The following CNTNAP2 variants were observed in gnomAD, a reference collection of about 807,000 sequenced individuals.
CNTNAP2 encodes the protein contactin-associated protein-like 2.
CNTNAP2 carries 98 observed loss-of-function variants against 155.2 expected under a neutral mutation model. That is an observed-to-expected ratio of 0.63 (90% CI 0.54 to 0.75). The LOEUF (loss-of-function observed/expected upper bound fraction) is 0.75. Ranked by LOEUF, CNTNAP2 falls within the 30% of genes least tolerant of loss-of-function variation. The pLI is 0.00. For synonymous variants in CNTNAP2, 651 were observed against 631.2 expected, an observed-to-expected ratio of 1.03 and a Z score of -0.47; for missense variants, 1,727 against 1,688.1, an observed-to-expected ratio of 1.02 and a Z score of -0.40.
intron 1 of CNTNAP2, among the ~76,000 whole-genome samples, chr7:146,166,820 G>A (rs1177261977): frequency 6.6e-6 from 1 of 152,198 alleles, no homozygotes; most frequent in Admixed American, 6.5e-5. Context: ...AGGTTTAGAA[G>A]ATAGCGGGAA....
chr7:147,319,501 C>G (rs768807522), intron 9 of CNTNAP2, among the ~76,000 whole-genome samples: 23 of 152,148 alleles, frequency 1.5e-4, no homozygotes, highest in Non-Finnish European at 2.2e-4. Flanking sequence ...CCTCAGCCTC[C>G]CTAGTAGCTG....
intron 8 of CNTNAP2, among the ~76,000 whole-genome samples, chr7:147,219,552 G>A (rs573116854): frequency 1.3e-5 from 2 of 152,260 alleles, no homozygotes; most frequent in African/African-American, 4.8e-5. Flanking sequence ...CTTTATTCTA[G>A]CCACACTGGT....
chr7:148,060,544 A>G (rs1030044717), intron 15 of CNTNAP2, among the ~76,000 whole-genome samples: 2 of 152,196 alleles, frequency 1.3e-5, no homozygotes, highest in Non-Finnish European at 2.9e-5. Flanking sequence ...CCAGACAACA[A>G]ACTCATATTG....
chr7:146,153,233 A>C (rs1439099671), intron 1 of CNTNAP2, among the ~76,000 whole-genome samples: 4 of 152,140 alleles, frequency 2.6e-5, no homozygotes, highest in African/African-American at 9.7e-5. Flanking sequence ...AAATTTGTAC[A>C]ATGTTTTCAT....
chr7:146,621,525 T>C (rs1330683955), intron 1 of CNTNAP2, among the ~76,000 whole-genome samples: 1 of 152,194 alleles, frequency 6.6e-6, no homozygotes, highest in Non-Finnish European at 1.5e-5. Flanking sequence ...TTTGACAGTT[T>C]TGAGGAGTAC....
chr7:146,118,955 T>C, intron 1 of CNTNAP2, among the ~76,000 whole-genome samples: 1 of 152,102 alleles, frequency 6.6e-6, no homozygotes, highest in Non-Finnish European at 1.5e-5. Context: ...TGGAAATGAA[T>C]TAAATAATAA....
intron 18 of CNTNAP2, among the ~76,000 whole-genome samples, chr7:148,173,353 G>A (rs766053399): frequency 2.6e-5 from 4 of 152,188 alleles, no homozygotes; most frequent in African/African-American, 4.8e-5. Flanking sequence ...TGAATGTATA[G>A]CATATGGGTA....
At chr7:146,977,446 A>C (rs747685932) in intron 3 of CNTNAP2, among the ~76,000 whole-genome samples, 5 of 152,194 alleles carry the variant, frequency 3.3e-5, no homozygotes, top group Non-Finnish European at 7.3e-5. Context: ...GTGATCGTTC[A>C]TGGAGTGGTT....
In CNTNAP2 at chr7:146,323,923, A is replaced by C. The variant is rs565285882; in HGVS notation, c.97+206950A>C. Among the ~76,000 whole-genome samples the C allele has an allele frequency of 2.0e-5, 3 of 152,294 alleles. No homozygotes were observed. The South Asian group carries it at 6.2e-4, about 32-fold the overall frequency. The stretch of plus-strand genomic sequence containing the variant: ...AGTTAATAAAGTTTATCTTTGATGT[A>C]ATGGACATCCCTTTCTATTCTCCCC... On this transcript the variant is annotated intron_variant, in intron 1 of 23. Coordinates refer to ENST00000361727, the MANE Select transcript of CNTNAP2 (RefSeq NM_014141.6).
intron 1 of CNTNAP2, among the ~76,000 whole-genome samples, chr7:146,166,525 T>C (rs1798314812): frequency 6.6e-6 from 1 of 152,206 alleles, no homozygotes; most frequent in Non-Finnish European, 1.5e-5. Flanking sequence ...GGTTTCATAC[T>C]AACTTCATGA....
At chr7:146,752,836 T>C (rs971763370) in intron 1 of CNTNAP2, among the ~76,000 whole-genome samples, 1 of 152,190 alleles carries the variant, frequency 6.6e-6, no homozygotes, top group African/African-American at 2.4e-5. Flanking sequence ...TTTCAGCATA[T>C]GGCTAGCCAG....
At chr7:146,987,572 A>G (rs1164725206) in intron 3 of CNTNAP2, among the ~76,000 whole-genome samples, 1 of 152,150 alleles carries the variant, frequency 6.6e-6, no homozygotes, top group Non-Finnish European at 1.5e-5. Flanking sequence ...AAATTAGTCT[A>G]AAATGGAGAG....
At chr7:147,314,986 T>C (rs1317997035) in intron 9 of CNTNAP2, among the ~76,000 whole-genome samples, 1 of 150,900 alleles carries the variant, frequency 6.6e-6, no homozygotes, top group Non-Finnish European at 1.5e-5. Flanking sequence ...TACTATTTGC[T>C]AGCCTAGTGC....
chr7:146,824,430 A>T (rs1386225278), intron 2 of CNTNAP2, among the ~76,000 whole-genome samples: 2 of 152,078 alleles, frequency 1.3e-5, no homozygotes, highest in Non-Finnish European at 2.9e-5. Context: ...GTCAAATGGT[A>T]TTTCTGGTTC....
chr7:146,380,794 T>TC, intron 1 of CNTNAP2, among the ~76,000 whole-genome samples: 14 of 101,984 alleles, frequency 1.4e-4, no homozygotes, highest in African/African-American at 6.7e-4. Context: ...CTTTTTTTTT[T>TC]TTTTTTTTTT....
rs371691712 is a variant in CNTNAP2, at chr7:147,903,708, G to T, written c.2242G>T (p.Asp748Tyr). ...DPKYYCNCDADYKQWRKDAGF... is the reference protein window; with the variant it reads ...DPKYYCNCDAYYKQWRKDAGF... Reference sequence around the variant, plus strand: ...CAAGTACTACTGTAACTGCGACGCGGACTACAAGCAATGGTGAGTGCCTGC... The same window carrying T: ...CAAGTACTACTGTAACTGCGACGCGTACTACAAGCAATGGTGAGTGCCTGC... The change falls in exon 14 of 24, where the codon GAC becomes TAC. Residue 748 changes from aspartate (D) to tyrosine (Y), a missense_variant. Coordinates refer to ENST00000361727, the MANE Select transcript of CNTNAP2 (RefSeq NM_014141.6). 6.4e-5 allele frequency: 104 copies of T among 1,613,754 alleles called. 1 individual carries two copies. The East Asian group carries it at 1.0e-3, about 16-fold the overall frequency.
At chr7:146,389,029 A>G (rs1307022631) in intron 1 of CNTNAP2, among the ~76,000 whole-genome samples, 1 of 152,186 alleles carries the variant, frequency 6.6e-6, no homozygotes, top group Non-Finnish European at 1.5e-5. Context: ...TTAATAGCAC[A>G]AGTGTTGAAA....
At chr7:146,226,595 G>C (rs1216414560) in intron 1 of CNTNAP2, among the ~76,000 whole-genome samples, 1 of 152,162 alleles carries the variant, frequency 6.6e-6, no homozygotes, top group Non-Finnish European at 1.5e-5. Flanking sequence ...AGGAGGTTGA[G>C]ACTGCAGTGA....
intron 11 of CNTNAP2, among the ~76,000 whole-genome samples, chr7:147,510,869 A>ATATATATATATATATATATG (rs1279688720): frequency 1.4e-4 from 20 of 143,634 alleles, no homozygotes; most frequent in African/African-American, 5.0e-4. Flanking sequence ...ATATATATAT[A>ATATATATATATATATATATG]TAATGCTTCC....
Sources: gnomAD v4.1 joint callset for allele counts (sites outside exome capture counted in the v4.1 genomes callset) on GRCh38, gnomAD v4.1.1 for gene constraint, MANE v1.5 for transcripts, NCBI Gene and HGNC (gene_info 2026-07-23, HGNC 2026-07-21) for gene names.